The following WWOX variants were observed in gnomAD, a reference collection of about 807,000 sequenced individuals.
WWOX encodes the protein WW domain containing oxidoreductase.
Under a neutral mutation model 46.2 loss-of-function variants are expected in WWOX, and 69 were observed. The ratio of observed to expected loss-of-function variants is 1.49; its 90% CI spans 1.23 to 1.82. The LOEUF is 1.82. Ranked by LOEUF, WWOX falls within the 40% of genes most tolerant of loss-of-function variation. WWOX has a pLI of 0.00. For missense variants in WWOX, 919 were observed against 542.6 expected (o/e 1.69, Z -6.89); for synonymous variants, 359 against 202.6 (o/e 1.77, Z -6.56).
chr16:78,887,701 T>C (rs745383934), intron 8 of WWOX, among the ~76,000 whole-genome samples: 3 of 152,174 alleles, frequency 2.0e-5, no homozygotes, highest in Non-Finnish European at 4.4e-5. Context: ...CTTTTAAAGA[T>C]AGTGGTTTTC....
At chr16:78,154,485 C>CTTTTT (rs557916068) in intron 4 of WWOX, among the ~76,000 whole-genome samples, 21 of 77,822 alleles carry the variant, frequency 2.7e-4, no homozygotes, top group East Asian at 4.8e-4. Context: ...AATCCTTGAT[C>CTTTTT]TTTTTTTTTT....
intron 5 of WWOX, among the ~76,000 whole-genome samples, chr16:78,308,733 C>T (rs1567490534): frequency 6.6e-6 from 1 of 152,090 alleles, no homozygotes; most frequent in African/African-American, 2.4e-5. Context: ...TCTCTGAGGC[C>T]TATTTCCTGG....
intron 5 of WWOX, among the ~76,000 whole-genome samples, chr16:78,231,690 A>G (rs568677416): frequency 1.3e-5 from 2 of 152,196 alleles, no homozygotes; most frequent in Non-Finnish European, 2.9e-5. Context: ...ATTATTATCA[A>G]TTGCCTCTCT....
intron 8 of WWOX, among the ~76,000 whole-genome samples, chr16:78,572,453 G>C (rs2044739781): frequency 6.6e-6 from 1 of 151,824 alleles, no homozygotes; most frequent in African/African-American, 2.4e-5. Context: ...AAATTAGCCA[G>C]TGTGGTATCA....
At chr16:78,721,638 C>G (rs11640758) in intron 8 of WWOX, among the ~76,000 whole-genome samples, 27,771 of 152,174 alleles carry the variant, frequency 0.18, 2,922 homozygotes, top group Non-Finnish European at 0.23. Context: ...AATTTGATTC[C>G]TCCGTCACTG....
At chr16:79,041,722 C>T (rs2047975000) in intron 8 of WWOX, among the ~76,000 whole-genome samples, 1 of 152,168 alleles carries the variant, frequency 6.6e-6, no homozygotes, top group Admixed American at 6.5e-5. Flanking sequence ...ACTGGCAAAA[C>T]TGGACCTTTC....
At chr16:78,821,208 C>G (rs766451520) in intron 8 of WWOX, among the ~76,000 whole-genome samples, 7 of 152,134 alleles carry the variant, frequency 4.6e-5, no homozygotes, top group Non-Finnish European at 8.8e-5. Flanking sequence ...CACCCATCTA[C>G]TTATCCCTGC....
chr16:78,186,593 GTC>G (rs1244109626), intron 5 of WWOX, among the ~76,000 whole-genome samples: 1 of 152,134 alleles, frequency 6.6e-6, no homozygotes, highest in African/African-American at 2.4e-5. Context: ...GCGAAACCCT[GTC>G]TCTACTCAAA....
At chr16:78,915,339 T>C (rs1390185536) in intron 8 of WWOX, among the ~76,000 whole-genome samples, 1 of 152,206 alleles carries the variant, frequency 6.6e-6, no homozygotes, top group Non-Finnish European at 1.5e-5. Flanking sequence ...ATGCTGTGTG[T>C]CTGCGATTCA....
intron 8 of WWOX, among the ~76,000 whole-genome samples, chr16:78,841,860 T>C (rs1336384668): frequency 6.6e-6 from 1 of 152,188 alleles, no homozygotes; most frequent in Non-Finnish European, 1.5e-5. Context: ...TTCAGGACCT[T>C]GGTAAGGGGT....
intron 8 of WWOX, among the ~76,000 whole-genome samples, chr16:79,192,362 C>G (rs533709736): frequency 3.9e-5 from 6 of 152,268 alleles, no homozygotes; most frequent in African/African-American, 1.4e-4. Context: ...CATTCATTCA[C>G]TCATCACATG....
At chr16:78,415,716 C>A (rs372071572) in intron 6 of WWOX, among the ~76,000 whole-genome samples, 2 of 152,110 alleles carry the variant, frequency 1.3e-5, no homozygotes, top group Non-Finnish European at 2.9e-5. Flanking sequence ...AGGAGCTGGT[C>A]CCTTTGCAGT....
intron 5 of WWOX, among the ~76,000 whole-genome samples, chr16:78,185,172 C>G (rs1378551865): frequency 1.3e-5 from 2 of 152,144 alleles, no homozygotes; most frequent in Non-Finnish European, 2.9e-5. Context: ...ACAAACCCAC[C>G]ATATGTGCAT....
At position 78,549,222 on chromosome 16, in the gene WWOX, T is replaced by C. The variant is rs569368043; in HGVS notation, c.1056+116470T>C. Among the ~76,000 whole-genome samples the C allele has an allele frequency of 3.5e-3, 532 of 152,298 alleles. 5 individuals are homozygous for C. The highest frequency in any genetic ancestry group is 0.012 in the African/African-American group (512 of 41,558). On this transcript the variant is annotated intron_variant, in intron 8 of 8. Coordinates refer to ENST00000566780, the MANE Select transcript of WWOX (RefSeq NM_016373.4). ...TAGAATCAAAGGCAGAATTAAAATCTGCATGTTAATAGCTTTCCTGCCAGC... is the reference window on the plus strand; with the variant it reads ...TAGAATCAAAGGCAGAATTAAAATCCGCATGTTAATAGCTTTCCTGCCAGC...
intron 8 of WWOX, among the ~76,000 whole-genome samples, chr16:78,806,238 C>G (rs2051034406): frequency 6.6e-6 from 1 of 152,144 alleles, no homozygotes; most frequent in African/African-American, 2.4e-5. Context: ...GGATTTCTTT[C>G]ATGAGAACCC....
intron 8 of WWOX, among the ~76,000 whole-genome samples, chr16:79,158,419 TTGC>T (rs1407613312): frequency 5.9e-5 from 9 of 152,298 alleles, no homozygotes; most frequent in African/African-American, 1.9e-4. Context: ...GCAGGATCAC[TTGC>T]TTTAGATGGA....
At chr16:79,089,880 C>T (rs547655165) in intron 8 of WWOX, among the ~76,000 whole-genome samples, 12 of 149,434 alleles carry the variant, frequency 8.0e-5, no homozygotes, top group African/African-American at 3.0e-4. Flanking sequence ...GGGGGCGGTT[C>T]AAGGGGGGCT....
intron 6 of WWOX, among the ~76,000 whole-genome samples, chr16:78,397,834 A>G (rs1370906519): frequency 6.6e-6 from 1 of 152,150 alleles, no homozygotes; most frequent in Admixed American, 6.5e-5. Flanking sequence ...CTTTCAGCCA[A>G]TTTTCTATCA....
At chr16:78,776,288 G>C (rs1297453573) in intron 8 of WWOX, among the ~76,000 whole-genome samples, 1 of 152,018 alleles carries the variant, frequency 6.6e-6, no homozygotes, top group Non-Finnish European at 1.5e-5. Flanking sequence ...GGATGGTTTG[G>C]CTCTTACTGG....
Sources: gnomAD v4.1 joint callset for allele counts (sites outside exome capture counted in the v4.1 genomes callset) on GRCh38, gnomAD v4.1.1 for gene constraint, MANE v1.5 for transcripts, NCBI Gene and HGNC (gene_info 2026-07-23, HGNC 2026-07-21) for gene names.